CSMD3: variants seen among roughly 807,000 people sequenced by gnomAD.
CSMD3 encodes CUB and sushi domain-containing protein 3.
A neutral mutation model predicts 435.2 loss-of-function variants in CSMD3; 177 were observed. That is an observed-to-expected ratio of 0.41 (90% CI 0.36 to 0.46). CSMD3 has a LOEUF of 0.46. CSMD3 is among the 20% of genes least tolerant of loss of function. The pLI is 0.34. For missense variants in CSMD3, 4,265 were observed against 4,504.6 expected (o/e 0.95, Z 1.52); for synonymous variants, 1,656 against 1,520.5 (o/e 1.09, Z -2.07).
intron 3 of CSMD3, among the ~76,000 whole-genome samples, chr8:113,260,106 C>A (rs1292869791): frequency 6.6e-6 from 1 of 152,108 alleles, no homozygotes; most frequent in Admixed American, 6.6e-5. Context: ...AGAGCCCTCC[C>A]TAGCCCTGTG....
chr8:112,404,984 C>A (rs1419877996), intron 35 of CSMD3, among the ~76,000 whole-genome samples: 2 of 150,616 alleles, frequency 1.3e-5, no homozygotes, highest in Non-Finnish European at 3.0e-5. Context: ...TTGATACCAG[C>A]CTAGACAACA....
intron 7 of CSMD3, among the ~76,000 whole-genome samples, chr8:112,969,492 AG>A: frequency 6.6e-6 from 1 of 152,128 alleles, no homozygotes; most frequent in East Asian, 1.9e-4. Flanking sequence ...TATTAACCAA[AG>A]TAATATCCTA....
chr8:113,189,420 T>C (rs934088368), intron 3 of CSMD3, among the ~76,000 whole-genome samples: 2 of 151,858 alleles, frequency 1.3e-5, no homozygotes, highest in Non-Finnish European at 2.9e-5. Context: ...TACTTCTGAT[T>C]AAAATTAATA....
At chr8:113,177,855 A>G (rs2092369688) in intron 3 of CSMD3, among the ~76,000 whole-genome samples, 1 of 152,150 alleles carries the variant, frequency 6.6e-6, no homozygotes, top group East Asian at 1.9e-4. Flanking sequence ...TATTTTGACA[A>G]CATAGACTAT....
At chr8:113,231,721 AT>A (rs2093089605) in intron 3 of CSMD3, among the ~76,000 whole-genome samples, 1 of 151,630 alleles carries the variant, frequency 6.6e-6, no homozygotes, top group African/African-American at 2.4e-5. Flanking sequence ...ATATTAACAC[AT>A]TTTATGGATA....
intron 11 of CSMD3, among the ~76,000 whole-genome samples, chr8:112,831,324 C>CTTT (rs55658194): frequency 7.1e-6 from 1 of 140,678 alleles, no homozygotes; most frequent in Non-Finnish European, 1.5e-5. Flanking sequence ...CATTTTCTTT[C>CTTT]TTTTTTTTTT....
intron 32 of CSMD3, among the ~76,000 whole-genome samples, chr8:112,448,870 T>G (rs941795858): frequency 6.6e-6 from 1 of 152,002 alleles, no homozygotes; most frequent in Non-Finnish European, 1.5e-5. Flanking sequence ...CCTTTACCGC[T>G]CTTCAAAACA....
At chr8:113,115,431 A>T (rs1246968039) in intron 4 of CSMD3, among the ~76,000 whole-genome samples, 1 of 152,200 alleles carries the variant, frequency 6.6e-6, no homozygotes, top group African/African-American at 2.4e-5. Flanking sequence ...TAATGGTAGA[A>T]ATCTCCCAAA....
At chr8:113,298,122 C>T (rs959479345) in intron 2 of CSMD3, among the ~76,000 whole-genome samples, 2 of 151,842 alleles carry the variant, frequency 1.3e-5, no homozygotes, top group African/African-American at 2.4e-5. Context: ...AAGGTTAATA[C>T]TATAATTAAA....
chr8:112,237,598 G>C (rs1586487665), intron 66 of CSMD3, among the ~76,000 whole-genome samples: 1 of 151,926 alleles, frequency 6.6e-6, no homozygotes, highest in African/African-American at 2.4e-5. Context: ...AAGATATTAG[G>C]TTTATTTTTA....
At chr8:112,993,426 C>T (rs1468124882) in intron 6 of CSMD3, among the ~76,000 whole-genome samples, 2 of 151,678 alleles carry the variant, frequency 1.3e-5, no homozygotes, top group African/African-American at 2.4e-5. Flanking sequence ...TATGATATTC[C>T]CACAGAATGG....
At chr8:112,265,329 A>C (rs1816835525) in intron 60 of CSMD3, 82 bp downstream of exon 60, 1 of 990,210 alleles carries the variant, frequency 1.0e-6, no homozygotes, top group South Asian at 2.0e-5. Context: ...ATTTTATTTA[A>C]GTATACTTTA....
chr8:112,541,987 A>G (rs996761525), intron 27 of CSMD3, among the ~76,000 whole-genome samples: 2 of 152,068 alleles, frequency 1.3e-5, no homozygotes, highest in Non-Finnish European at 2.9e-5. Flanking sequence ...ATAGTTCAAT[A>G]TACAAAAATC....
chr8:112,230,470 A>G (rs1292614491), intron 69 of CSMD3, among the ~76,000 whole-genome samples: 1 of 152,148 alleles, frequency 6.6e-6, no homozygotes, highest in Non-Finnish European at 1.5e-5. Context: ...TAGTACTGCT[A>G]TGTAAAAGTT....
At chr8:113,342,241 A>G (rs552007529) in intron 1 of CSMD3, among the ~76,000 whole-genome samples, 19 of 152,268 alleles carry the variant, frequency 1.2e-4, no homozygotes, top group African/African-American at 4.6e-4. Flanking sequence ...CCTTCCATGT[A>G]AACACTAGAC....
chr8:113,302,987 G>A (rs1219334016), intron 2 of CSMD3, among the ~76,000 whole-genome samples: 2 of 102,484 alleles, frequency 2.0e-5, no homozygotes, highest in Non-Finnish European at 3.8e-5. Flanking sequence ...GTTTGCAGAC[G>A]ACATGATTGT....
At chr8:112,246,225 A>C (rs1193874563) in intron 64 of CSMD3, among the ~76,000 whole-genome samples, 1 of 152,182 alleles carries the variant, frequency 6.6e-6, no homozygotes, top group East Asian at 1.9e-4. Context: ...GTGCCCCCAC[A>C]ATCATTTGGA....
chr8:112,911,641 ATGTGTG>A (rs10609412), intron 10 of CSMD3, among the ~76,000 whole-genome samples: 77,265 of 146,826 alleles, frequency 0.53, 20,300 homozygotes, highest in East Asian at 0.55. Flanking sequence ...GTACATATAT[ATGTGTG>A]TGTGTGTGTG....
chr8:112,636,415 A>G (rs990347784), intron 22 of CSMD3, among the ~76,000 whole-genome samples: 1 of 152,120 alleles, frequency 6.6e-6, no homozygotes, highest in African/African-American at 2.4e-5. Flanking sequence ...GTCAGAATAT[A>G]CTATCAATAG....
Sources: gnomAD v4.1 joint callset for allele counts (sites outside exome capture counted in the v4.1 genomes callset) on GRCh38, gnomAD v4.1.1 for gene constraint, MANE v1.5 for transcripts, NCBI Gene and HGNC (gene_info 2026-07-23, HGNC 2026-07-21) for gene names.